Variants in HPSE2 observed in about 807,000 individuals in gnomAD.
HPSE2 encodes the protein heparanase 2 (inactive), also known as inactive heparanase-2.
Under a neutral mutation model 60.5 loss-of-function variants are expected in HPSE2, and 38 were observed. That is an observed-to-expected ratio of 0.63 (90% confidence interval 0.48 to 0.82). The LOEUF is 0.82. Ranked by LOEUF, HPSE2 falls within the 40% of genes least tolerant of loss-of-function variation. HPSE2 has a pLI of 0.00. For missense variants in HPSE2, 713 were observed against 740.4 expected (o/e 0.96, Z 0.43); for synonymous variants, 295 against 293.2 (o/e 1.01, Z -0.06).
At chr10:98,728,806 A>C (rs1235149135) in intron 4 of HPSE2, among the ~76,000 whole-genome samples, 1 of 152,032 alleles carries the variant, frequency 6.6e-6, no homozygotes, top group Admixed American at 6.6e-5. Flanking sequence ...CTAGGTGTTC[A>C]AGACCATCCT....
intron 3 of HPSE2, among the ~76,000 whole-genome samples, chr10:99,076,675 T>C (rs1419594974): frequency 2.0e-5 from 3 of 152,156 alleles, no homozygotes; most frequent in Non-Finnish European, 4.4e-5. Flanking sequence ...GGTGTGAGCC[T>C]CCATGCCTGA....
chr10:98,641,764 T>C, intron 7 of HPSE2, 83 bp downstream of exon 7: 5 of 1,033,588 alleles, frequency 4.8e-6, no homozygotes, highest in Non-Finnish European at 7.6e-6. Context: ...CCCACAGTGC[T>C]GATGCCCAGC....
At chr10:99,313,322 G>A in the HPSE2 span, among the ~76,000 whole-genome samples, 1 of 152,150 alleles carries the variant, frequency 6.6e-6, no homozygotes, top group Non-Finnish European at 1.5e-5. Context: ...TTCAGTGGAG[G>A]TTCCCATCAC....
intron 3 of HPSE2, among the ~76,000 whole-genome samples, chr10:98,913,298 G>A (rs1427305725): frequency 1.3e-5 from 2 of 152,146 alleles, no homozygotes; most frequent in African/African-American, 4.8e-5. Context: ...CAACCAAACT[G>A]GAGATGATTA....
intron 9 of HPSE2, among the ~76,000 whole-genome samples, chr10:98,547,786 C>G (rs1265004631): frequency 6.6e-6 from 1 of 151,046 alleles, no homozygotes; most frequent in African/African-American, 2.4e-5. Context: ...GCACATGTAC[C>G]CTAAAACTTA....
chr10:98,792,761 T>C (rs1304353265), intron 3 of HPSE2, among the ~76,000 whole-genome samples: 1 of 152,184 alleles, frequency 6.6e-6, no homozygotes, highest in Non-Finnish European at 1.5e-5. Flanking sequence ...TTCCAAAGTC[T>C]TGCATTAGCA....
At chr10:98,618,480 G>A (rs1183775514) in intron 8 of HPSE2, among the ~76,000 whole-genome samples, 1 of 152,090 alleles carries the variant, frequency 6.6e-6, no homozygotes, top group Non-Finnish European at 1.5e-5. Context: ...TTCCTCTGCT[G>A]ATTCCAAGGG....
intron 3 of HPSE2, among the ~76,000 whole-genome samples, chr10:98,752,888 G>A (rs1949791079): frequency 6.6e-6 from 1 of 152,170 alleles, no homozygotes; most frequent in Admixed American, 6.5e-5. Flanking sequence ...TGTCATTTGT[G>A]ACAATGTGGA....
At chr10:98,746,113 G>A (rs901065116) in intron 3 of HPSE2, among the ~76,000 whole-genome samples, 2 of 143,486 alleles carry the variant, frequency 1.4e-5, no homozygotes, top group African/African-American at 2.6e-5. Flanking sequence ...AAATAAAATC[G>A]ATGTCAACTT....
chr10:98,493,028 C>T (rs1290503349), intron 9 of HPSE2, among the ~76,000 whole-genome samples: 1 of 152,194 alleles, frequency 6.6e-6, no homozygotes, highest in Non-Finnish European at 1.5e-5. Flanking sequence ...CTTTCTGCCT[C>T]TGTGACTATT....
chr10:99,132,167 AAG>A lies in HPSE2; in HGVS notation c.610+12069_610+12070del, dbSNP rs1564832465. On this transcript the variant is annotated intron_variant, in intron 3 of 11. Coordinates refer to ENST00000370552, the MANE Select transcript of HPSE2 (RefSeq NM_021828.5). ...AAAGGAAGAAAGAAAGAAAGAAAGA[AAG>A]AAAGAAAGAAAGAAAGAAAGAAAGA... 9.8e-4 allele frequency among the ~76,000 whole-genome samples: 7 copies of A among 7,110 alleles called. 2 individuals are homozygous for A. Among genetic ancestry groups the A allele is most frequent in the Non-Finnish European group, 4.1e-3 (7 of 1,700 alleles). 4.7% of individuals were successfully genotyped at this position (7,110 alleles called of 152,430 possible).
chr10:98,486,931 C>G (rs1000813126), intron 10 of HPSE2, among the ~76,000 whole-genome samples: 1 of 152,128 alleles, frequency 6.6e-6, no homozygotes, highest in Non-Finnish European at 1.5e-5. Context: ...TTGTAAGAGC[C>G]ATTTGATGTC....
chr10:99,033,472 A>T (rs1957542471), intron 3 of HPSE2, among the ~76,000 whole-genome samples: 1 of 152,122 alleles, frequency 6.6e-6, no homozygotes, highest in Non-Finnish European at 1.5e-5. Context: ...CTATATACCT[A>T]TTAGAAAAGC....
At chr10:98,804,844 C>T (rs886113750) in intron 3 of HPSE2, among the ~76,000 whole-genome samples, 20 of 152,096 alleles carry the variant, frequency 1.3e-4, no homozygotes, top group African/African-American at 4.6e-4. Flanking sequence ...ATGTTTGTTG[C>T]AGCACTGTTC....
At chr10:98,699,817 C>T (rs1174405469) in intron 5 of HPSE2, among the ~76,000 whole-genome samples, 3 of 120,206 alleles carry the variant, frequency 2.5e-5, no homozygotes, top group African/African-American at 8.2e-5. Context: ...AATCAATGTA[C>T]AAAAATCACA....
chr10:99,184,080 C>T (rs1847880142), intron 2 of HPSE2, among the ~76,000 whole-genome samples: 1 of 151,830 alleles, frequency 6.6e-6, no homozygotes, highest in Admixed American at 6.6e-5. Flanking sequence ...CAACTAGCAC[C>T]CAACAACATA....
intron 3 of HPSE2, among the ~76,000 whole-genome samples, chr10:99,103,729 A>AG (rs1312546161): frequency 2.0e-5 from 3 of 152,232 alleles, no homozygotes; most frequent in Admixed American, 6.5e-5. Flanking sequence ...CCTGACTTCA[A>AG]ACTATACTAC....
intron 3 of HPSE2, among the ~76,000 whole-genome samples, chr10:98,803,265 G>C (rs1950960649): frequency 6.7e-6 from 1 of 150,234 alleles, no homozygotes; most frequent in East Asian, 2.0e-4. Context: ...CTCCCATTTT[G>C]TAGGTTGCCT....
chr10:98,958,233 G>A (rs1182085588), intron 3 of HPSE2, among the ~76,000 whole-genome samples: 1 of 152,030 alleles, frequency 6.6e-6, no homozygotes, highest in Non-Finnish European at 1.5e-5. Context: ...ACACATATTT[G>A]TATACATATA....
Sources: gnomAD v4.1 joint callset for allele counts (sites outside exome capture counted in the v4.1 genomes callset) on GRCh38, gnomAD v4.1.1 for gene constraint, MANE v1.5 for transcripts, NCBI Gene and HGNC (gene_info 2026-07-23, HGNC 2026-07-21) for gene names.